The following ZNF708 variants were observed in gnomAD, a reference collection of about 807,000 sequenced individuals.
The protein encoded by ZNF708 is zinc finger protein 708, also known as ZNF15, ZNF15L1.
ZNF708 carries 44 observed loss-of-function variants against 47.0 expected under a neutral mutation model. The ratio of observed to expected loss-of-function variants is 0.94; its 90% CI spans 0.74 to 1.20. ZNF708 has a LOEUF of 1.20. ZNF708 is among the 50% of genes most tolerant of loss of function. The pLI, the probability that ZNF708 is intolerant of heterozygous loss-of-function variation, is 0.00. For missense variants in ZNF708, 557 were observed against 656.0 expected, an observed-to-expected ratio of 0.85 and a Z score of 1.65; for synonymous variants, 184 against 218.5, an observed-to-expected ratio of 0.84 and a Z score of 1.39.
chr19:21,313,757 CAAAA>C (rs71176848), intron 1 of ZNF708, among the ~76,000 whole-genome samples: 3 of 109,816 alleles, frequency 2.7e-5, no homozygotes, highest in African/African-American at 3.5e-5. Context: ...GACTATGTCT[CAAAA>C]AAAAAAAAAA....
intron 1 of ZNF708, among the ~76,000 whole-genome samples, chr19:21,319,449 A>AG (rs768795834): frequency 4.4e-4 from 13 of 29,678 alleles, no homozygotes; most frequent in South Asian, 1.3e-3. Context: ...TCCTAATATG[A>AG]GTTTTTTTTT....
intron 3 of ZNF708, among the ~76,000 whole-genome samples, chr19:21,302,086 A>C (rs988495046): frequency 6.6e-6 from 1 of 152,110 alleles, no homozygotes; most frequent in African/African-American, 2.4e-5. Context: ...ACATAGTGAG[A>C]CTCTGCATAT....
chr19:21,295,187 T>C (rs1029204915), intron 3 of ZNF708, among the ~76,000 whole-genome samples: 38 of 152,152 alleles, frequency 2.5e-4, no homozygotes, highest in Non-Finnish European at 8.8e-5. Context: ...CTAAAAGAAA[T>C]GGTGGTATAC....
At position 21,293,436 on chromosome 19, in the gene ZNF708, G is replaced by A; in HGVS notation, c.1530C>T (p.Gly510=). ...GGGTTGAGGACTGGTTAAAAGCTTTGCCACATTCTTTACATTTGTAGGGTT... is the reference window on the plus strand; with the variant it reads ...GGGTTGAGGACTGGTTAAAAGCTTTACCACATTCTTTACATTTGTAGGGTT... ...GEKPYKCKEC[G]KAFNQSSTLM... The change falls in exon 4 of 4, where the codon GGC becomes GGT. Residue 510 remains glycine, a synonymous_variant. Coordinates refer to ENST00000356929, the MANE Select transcript of ZNF708 (RefSeq NM_021269.3). 6.2e-7 allele frequency: 1 copy of A among 1,613,298 alleles called. No homozygotes were observed. Among genetic ancestry groups the A allele is most frequent in the Non-Finnish European group, 8.5e-7 (1 of 1,179,752 alleles).
intron 3 of ZNF708, among the ~76,000 whole-genome samples, chr19:21,307,146 AATAAAATATAAT>A (rs1972796951): frequency 7.3e-6 from 1 of 136,842 alleles, no homozygotes; most frequent in Non-Finnish European, 1.6e-5. Context: ...AATAAAATAA[AATAAAATATAAT>A]ATAAAATAAA....
rs551512287 is a variant in ZNF708 at position 21,312,108 on chromosome 19, A to T, written c.4-1481T>A. Among the ~76,000 whole-genome samples, 4 of 152,244 alleles carry T rather than the reference A, an allele frequency of 2.6e-5. No homozygotes were observed. In the East Asian group the frequency reaches 7.7e-4, roughly 29 times the overall value. The stretch of plus-strand genomic sequence containing the variant: ...TCAGAAGTTCGAAACCAGCCTGGCC[A>T]ACATGGTGAAACCCTGTCTCTACTA... On this transcript the variant is annotated intron_variant, in intron 1 of 3. Transcript: ENST00000356929.
intron 3 of ZNF708, among the ~76,000 whole-genome samples, chr19:21,305,443 GTTTATTTTTTTATT>G (rs1240394389): frequency 1.3e-5 from 2 of 150,772 alleles, no homozygotes; most frequent in African/African-American, 4.9e-5. Context: ...CAGAAATATA[GTTTATTTTTTTATT>G]TTTATTTTTT....
Position 21,294,157 on chromosome 19 carries a change from TGTTTAG to T in ZNF708, c.803_808del (p.Thr268_His270delinsAsn). ...TTTCTCTCCAGTATGAACTATCTTA[TGTTTAG>T]TAAGGTTTGAGGACCGGTTAAAAGC... On this transcript the variant is annotated inframe_deletion, in exon 4 of 4. Transcript: ENST00000356929. 6.2e-7 allele frequency: 1 copy of T among 1,612,392 alleles called. No homozygotes were observed. Among genetic ancestry groups the T allele is most frequent in the Non-Finnish European group, 8.5e-7 (1 of 1,179,574 alleles).
chr19:21,321,395 C>G (rs1973133509), intron 1 of ZNF708, among the ~76,000 whole-genome samples: 1 of 152,000 alleles, frequency 6.6e-6, no homozygotes, highest in Non-Finnish European at 1.5e-5. Context: ...CGAGACCAGT[C>G]TGGCCAACAT....
chr19:21,311,489 T>C (rs533092197), intron 1 of ZNF708, among the ~76,000 whole-genome samples: 3 of 152,244 alleles, frequency 2.0e-5, no homozygotes, highest in Admixed American at 2.0e-4. Flanking sequence ...TGCTGGAATA[T>C]TCCCCCCAAA....
rs532728025 is a variant in ZNF708, at chr19:21,300,670, T to C, written c.227-5931A>G. 8.9e-4 allele frequency among the ~76,000 whole-genome samples: 135 copies of C among 152,124 alleles called. No homozygotes were observed. The Middle Eastern group carries it at 0.024, about 27-fold the overall frequency. On this transcript the variant is annotated intron_variant, in intron 3 of 3. Transcript: ENST00000356929. ...TACAATTTATTATTATTATTTATTA[T>C]TATTTTTTGAGACAGAGTCTCGCTC...
intron 3 of ZNF708, among the ~76,000 whole-genome samples, chr19:21,299,976 T>C (rs1165620152): frequency 2.0e-5 from 3 of 151,960 alleles, no homozygotes; most frequent in Non-Finnish European, 4.4e-5. Context: ...TAAACAACTA[T>C]TCACAACACA....
At chr19:21,294,975 T>C (rs1304386018) in intron 3 of ZNF708, among the ~76,000 whole-genome samples, 1 of 151,844 alleles carries the variant, frequency 6.6e-6, no homozygotes, top group Non-Finnish European at 1.5e-5. Context: ...AAGAGCCACA[T>C]AGGAGAAAAA....
chr19:21,293,087 G>A lies in ZNF708; in HGVS notation c.*187C>T. On this transcript the variant is annotated 3_prime_UTR_variant, in exon 4 of 4. Transcript: ENST00000356929. ...TATGTTTAGTAAGATTTAGGGACCAGTTAAATGCTTTGCCACATTCTTTAC... is the reference window on the plus strand; with the variant it reads ...TATGTTTAGTAAGATTTAGGGACCAATTAAATGCTTTGCCACATTCTTTAC... 1 of 829,518 alleles carries A rather than the reference G, an allele frequency of 1.2e-6. No homozygotes were observed. Among genetic ancestry groups the A allele is most frequent in the Non-Finnish European group, 1.9e-6 (1 of 527,142 alleles). 51.4% of individuals were successfully genotyped at this position (829,518 alleles called of 1,614,324 possible). A position where few individuals can be genotyped will look rare whatever the true frequency, so the allele number is the denominator to read the frequency against.
At chr19:21,297,270 A>ATATATTT (rs1568345563) in intron 3 of ZNF708, among the ~76,000 whole-genome samples, 5 of 46,676 alleles carry the variant, frequency 1.1e-4, no homozygotes, top group African/African-American at 4.7e-4. Flanking sequence ...ATATATATAT[A>ATATATTT]TTTTTTTTTT....
At chr19:21,302,916 A>T (rs775710404) in intron 3 of ZNF708, among the ~76,000 whole-genome samples, 2 of 152,072 alleles carry the variant, frequency 1.3e-5, no homozygotes, top group Non-Finnish European at 2.9e-5. Flanking sequence ...TAACAGTAAA[A>T]CTGGTAATAG....
rs138384894 is a variant in ZNF708 at position 21,322,017 on chromosome 19, C to T, written c.3+7193G>A. 4.6e-4 allele frequency among the ~76,000 whole-genome samples: 70 copies of T among 152,196 alleles called. 2 individuals are homozygous for T. In the East Asian group the frequency reaches 0.013, roughly 28 times the overall value. On this transcript the variant is annotated intron_variant, in intron 1 of 3. Coordinates refer to ENST00000356929, the MANE Select transcript of ZNF708 (RefSeq NM_021269.3). ...CAGGTGAGATTATGAACAGGTGGTC[C>T]AGAACCCTAGGTTGGTGGAGAAAAC...
At chr19:21,310,278 C>G (rs1972869311) in intron 2 of ZNF708, among the ~76,000 whole-genome samples, 1 of 151,656 alleles carries the variant, frequency 6.6e-6, no homozygotes, top group South Asian at 2.1e-4. Flanking sequence ...GACCCCATCT[C>G]TACTAAAAAT....
chr19:21,309,955 A>C (rs1185519227), intron 2 of ZNF708, among the ~76,000 whole-genome samples: 3 of 152,240 alleles, frequency 2.0e-5, no homozygotes, highest in African/African-American at 7.2e-5. Context: ...AATTACCACT[A>C]ATCTAGAGTG....
Sources: gnomAD v4.1 joint callset for allele counts (sites outside exome capture counted in the v4.1 genomes callset) on GRCh38, gnomAD v4.1.1 for gene constraint, MANE v1.5 for transcripts, NCBI Gene and HGNC (gene_info 2026-07-23, HGNC 2026-07-21) for gene names.